Variants in LHFPL3 observed in about 807,000 individuals in gnomAD.
LHFPL3 encodes the protein LHFPL tetraspan subfamily member 3 protein.
In LHFPL3, 5 loss-of-function variants were observed where a neutral mutation model predicts 19.3. The ratio of observed to expected loss-of-function variants is 0.26; its 90% CI spans 0.14 to 0.54. The LOEUF (loss-of-function observed/expected upper bound fraction) is 0.54, where lower values mean the gene tolerates loss of function less well. Ranked by LOEUF, LHFPL3 falls within the 20% of genes least tolerant of loss-of-function variation. The pLI is 0.94. For missense variants in LHFPL3, 249 were observed against 307.4 expected, an observed-to-expected ratio of 0.81 and a Z score of 1.42; for synonymous variants, 133 against 126.2, an observed-to-expected ratio of 1.05 and a Z score of -0.36.
intron 1 of LHFPL3, among the ~76,000 whole-genome samples, chr7:104,393,341 T>A (rs1042109326): frequency 2.0e-5 from 3 of 151,774 alleles, no homozygotes; most frequent in African/African-American, 7.3e-5. Context: ...AATGAAAACA[T>A]ATCACACAAA....
chr7:104,808,360 T>C (rs1562799710), intron 2 of LHFPL3, among the ~76,000 whole-genome samples: 1 of 152,214 alleles, frequency 6.6e-6, no homozygotes, highest in East Asian at 1.9e-4. Flanking sequence ...ACCCATTTCA[T>C]TGGTGGCTGG....
intron 1 of LHFPL3, among the ~76,000 whole-genome samples, chr7:104,432,758 CCTT>C (rs1355456145): frequency 3.3e-5 from 5 of 152,150 alleles, no homozygotes; most frequent in Non-Finnish European, 5.9e-5. Context: ...ATCTGAATGT[CCTT>C]CTTGATCTCT....
At chr7:104,754,862 T>C (rs145844612) in intron 2 of LHFPL3, among the ~76,000 whole-genome samples, 36 of 152,300 alleles carry the variant, frequency 2.4e-4, no homozygotes, top group East Asian at 1.5e-3. Context: ...TCCTTTACTC[T>C]CATTTTTTCC....
At chr7:104,436,557 G>C (rs563077422) in intron 1 of LHFPL3, among the ~76,000 whole-genome samples, 2 of 152,140 alleles carry the variant, frequency 1.3e-5, no homozygotes, top group African/African-American at 4.8e-5. Context: ...TTAAAATCTT[G>C]GTTCTTACTT....
intron 1 of LHFPL3, among the ~76,000 whole-genome samples, chr7:104,607,970 T>G (rs1791136985): frequency 6.6e-6 from 1 of 152,156 alleles, no homozygotes; most frequent in South Asian, 2.1e-4. Flanking sequence ...CCAGTTAGAA[T>G]GGCAATCATT....
intron 1 of LHFPL3, among the ~76,000 whole-genome samples, chr7:104,442,194 C>A (rs552766978): frequency 6.6e-6 from 1 of 151,602 alleles, no homozygotes; most frequent in South Asian, 2.1e-4. Context: ...ATTCATATCT[C>A]TTCTTTGGAG....
At chr7:104,841,493 G>GGTGTGTGT (rs66894221) in intron 2 of LHFPL3, among the ~76,000 whole-genome samples, 1 of 140,832 alleles carries the variant, frequency 7.1e-6, no homozygotes, top group African/African-American at 2.7e-5. Context: ...CATTATGTGG[G>GGTGTGTGT]GTGTGTGTGT....
intron 1 of LHFPL3, among the ~76,000 whole-genome samples, chr7:104,709,377 A>C (rs6466015): frequency 0.98 from 106,572 of 109,094 alleles, 52,492 homozygotes; most frequent in South Asian, 1. Flanking sequence ...GAGGACCCTG[A>C]GGCCTTCCAC....
intron 1 of LHFPL3, among the ~76,000 whole-genome samples, chr7:104,622,174 TCA>T (rs1264219426): frequency 6.6e-6 from 1 of 152,208 alleles, no homozygotes; most frequent in African/African-American, 2.4e-5. Flanking sequence ...TAATCATGAC[TCA>T]CTGCAGTGTT....
At chr7:104,759,756 C>T (rs1284289328) in intron 2 of LHFPL3, 1 of 152,178 alleles carries the variant, frequency 6.6e-6, no homozygotes, top group African/African-American at 2.4e-5. Flanking sequence ...AGGAAAAGCA[C>T]CAAGGTTTTC....
intron 1 of LHFPL3, among the ~76,000 whole-genome samples, chr7:104,682,581 C>T (rs535837344): frequency 7.2e-5 from 11 of 152,264 alleles, no homozygotes; most frequent in African/African-American, 1.9e-4. Flanking sequence ...AAACCTCTGG[C>T]GACTGGTGCT....
intron 1 of LHFPL3, among the ~76,000 whole-genome samples, chr7:104,347,555 T>G (rs1790094672): frequency 6.6e-6 from 1 of 152,190 alleles, no homozygotes; most frequent in Non-Finnish European, 1.5e-5. Flanking sequence ...CATCGCTGTT[T>G]TACTCACTAT....
intron 1 of LHFPL3, among the ~76,000 whole-genome samples, chr7:104,661,880 TA>T (rs1250253088): frequency 2.0e-5 from 3 of 152,242 alleles, no homozygotes; most frequent in African/African-American, 7.2e-5. Context: ...TTAGCATGAC[TA>T]CTCTTACACT....
intron 1 of LHFPL3, among the ~76,000 whole-genome samples, chr7:104,395,104 A>G (rs1791157878): frequency 6.6e-6 from 1 of 152,104 alleles, no homozygotes; most frequent in Non-Finnish European, 1.5e-5. Context: ...TATACGCTTC[A>G]TTGGCATGAC....
At position 104,833,309 on chromosome 7, in the gene LHFPL3, G is replaced by GAT. The variant is rs577873916; in HGVS notation, c.683-72867_683-72866dup. ...TATATATATATTATATATATAATAG[G>GAT]ATATATATATATTATATATATAATA... On this transcript the variant is annotated intron_variant, in intron 2 of 2. Coordinates refer to ENST00000424859, the MANE Select transcript of LHFPL3 (RefSeq NM_199000.3). Among the ~76,000 whole-genome samples the GAT allele has an allele frequency of 1.2e-3, 16 of 13,446 alleles. 2 individuals carry two copies. In the East Asian group the frequency reaches 0.019, roughly 16 times the overall value. 8.8% of individuals were successfully genotyped at this position (13,446 alleles called of 152,430 possible). A position where few individuals can be genotyped will look rare whatever the true frequency, so the allele number is the denominator to read the frequency against.
intron 1 of LHFPL3, among the ~76,000 whole-genome samples, chr7:104,621,251 G>A (rs1353127302): frequency 4.6e-5 from 7 of 152,236 alleles, no homozygotes; most frequent in South Asian, 2.1e-4. Context: ...TACTTGAATC[G>A]GGGTTTTCTC....
At chr7:104,892,405 T>C (rs937473943) in intron 2 of LHFPL3, among the ~76,000 whole-genome samples, 2 of 152,162 alleles carry the variant, frequency 1.3e-5, no homozygotes, top group Non-Finnish European at 2.9e-5. Context: ...AATTTTTCTT[T>C]TTCAGAGTCA....
chr7:104,866,171 C>T (rs555977943), intron 2 of LHFPL3, among the ~76,000 whole-genome samples: 15 of 152,216 alleles, frequency 9.9e-5, no homozygotes, highest in Admixed American at 2.0e-4. Context: ...CGTCAACTAA[C>T]GAGCAAAATA....
intron 1 of LHFPL3, among the ~76,000 whole-genome samples, chr7:104,413,907 A>AT (rs571911027): frequency 2.0e-5 from 3 of 152,130 alleles, no homozygotes; most frequent in Non-Finnish European, 4.4e-5. Context: ...CTCTTTTTAG[A>AT]TTTTCCATTC....
Sources: gnomAD v4.1 joint callset for allele counts (sites outside exome capture counted in the v4.1 genomes callset) on GRCh38, gnomAD v4.1.1 for gene constraint, MANE v1.5 for transcripts, NCBI Gene and HGNC (gene_info 2026-07-23, HGNC 2026-07-21) for gene names.